The following ATP10B variants were observed in gnomAD, a reference collection of about 807,000 sequenced individuals.
The protein encoded by ATP10B is phospholipid-transporting ATPase VB.
ATP10B carries 122 observed loss-of-function variants against 141.2 expected under a neutral mutation model. The observed-to-expected ratio is 0.86, with a 90% CI of 0.75 to 1.00. The LOEUF is 1.00. Among genes scored for constraint, ATP10B ranks in the 50% least tolerant of loss-of-function variants. The pLI is 0.00. For missense variants in ATP10B, 1,876 were observed against 1,825.3 expected (o/e 1.03, Z -0.51); for synonymous variants, 685 against 692.0 (o/e 0.99, Z 0.16).
the ATP10B span, among the ~76,000 whole-genome samples, chr5:160,913,163 T>C: frequency 6.6e-6 from 1 of 152,256 alleles, no homozygotes; most frequent in South Asian, 2.1e-4. Context: ...TCTTCTTTTA[T>C]GGAAACTGGA....
Position 160,620,843 on chromosome 5 carries a change from A to T in ATP10B, c.1920T>A (p.Thr640=), listed in dbSNP as rs1313651046. The change falls in exon 15 of 26, where the codon ACT becomes ACA. Residue 640 remains threonine, a synonymous_variant. Coordinates refer to ENST00000327245, the MANE Select transcript of ATP10B (RefSeq NM_025153.3). ...LLSLSQSFSS[T]APSDTDLGES... Reference sequence around the variant, plus strand: ...CCCCGAGGTCTGTGTCAGAGGGTGCAGTGGATGAGAATGACTGGCTGAGGC... The same window carrying T: ...CCCCGAGGTCTGTGTCAGAGGGTGCTGTGGATGAGAATGACTGGCTGAGGC... 10 of 1,614,190 alleles carry T rather than the reference A, an allele frequency of 6.2e-6. No individual in the cohort carries two copies. The highest frequency in any genetic ancestry group is 7.6e-6 in the Non-Finnish European group (9 of 1,180,026).
At chr5:160,661,174 GA>G (rs1436287350) in intron 7 of ATP10B, among the ~76,000 whole-genome samples, 3 of 151,544 alleles carry the variant, frequency 2.0e-5, no homozygotes, top group Non-Finnish European at 4.4e-5. Flanking sequence ...CAACAAGAGT[GA>G]AACTCTGTCT....
chr5:160,799,275 C>T (rs973779664), intron 1 of ATP10B, among the ~76,000 whole-genome samples: 11 of 152,182 alleles, frequency 7.2e-5, no homozygotes, highest in Non-Finnish European at 1.6e-4. Context: ...GCAGGGACAA[C>T]GTGGCACACT....
chr5:160,685,164 C>T, intron 6 of ATP10B: 1 of 677,936 alleles, frequency 1.5e-6, no homozygotes, highest in Non-Finnish European at 2.7e-6. Flanking sequence ...AGTTAGAGAC[C>T]ACTACTCGCT....
At chr5:160,901,937 TAC>T in the ATP10B span, among the ~76,000 whole-genome samples, 90 of 152,300 alleles carry the variant, frequency 5.9e-4, no homozygotes, top group African/African-American at 2.1e-3. Context: ...TTTATTTTCC[TAC>T]ATTCTGCTGT....
chr5:160,650,141 C>T (rs986020373), intron 7 of ATP10B, among the ~76,000 whole-genome samples: 2 of 147,796 alleles, frequency 1.4e-5, no homozygotes, highest in Non-Finnish European at 3.0e-5. Flanking sequence ...TATACACACA[C>T]ACACACATAC....
rs146226715 is a variant in ATP10B at position 160,840,000 on chromosome 5, C to G, written c.-576+11941G>C. ...TAATAAGAAAATTTTATTTACAATA[C>G]CAACAAAAATATTTAGGAGCAAGCA... On this transcript the variant is annotated intron_variant, in intron 1 of 25. Coordinates refer to ENST00000327245, the MANE Select transcript of ATP10B (RefSeq NM_025153.3). Among the ~76,000 whole-genome samples, 918 of 151,842 alleles carry G rather than the reference C, an allele frequency of 6.0e-3. 13 individuals carry two copies. The highest frequency in any genetic ancestry group is 0.021 in the African/African-American group (874 of 41,432).
chr5:160,896,682 C>G, the ATP10B span, among the ~76,000 whole-genome samples: 1 of 152,138 alleles, frequency 6.6e-6, no homozygotes, highest in Non-Finnish European at 1.5e-5. Context: ...GGACTCCTCC[C>G]TAACTCATTT....
At position 160,576,133 on chromosome 5, in the gene ATP10B, G is replaced by A. The variant is rs117366863; in HGVS notation, c.3751-6450C>T. Among the ~76,000 whole-genome samples, 11 of 152,260 alleles carry A rather than the reference G, an allele frequency of 7.2e-5. No individual in the cohort carries two copies. The East Asian group carries it at 1.2e-3, about 16-fold the overall frequency. On this transcript the variant is annotated intron_variant, in intron 24 of 25. Coordinates refer to ENST00000327245, the MANE Select transcript of ATP10B (RefSeq NM_025153.3). Reference sequence around the variant, plus strand: ...GCCTGAACCAATCACTGTGAATGGGGTCGGGTAGAATTGTTTGGATGGGGT... The same window carrying A: ...GCCTGAACCAATCACTGTGAATGGGATCGGGTAGAATTGTTTGGATGGGGT...
chr5:160,670,636 T>G lies in ATP10B; in HGVS notation c.502A>C (p.Lys168Gln). The change falls in exon 7 of 26, where the codon AAG (lysine) becomes CAG (glutamine). Residue 168 changes from lysine to glutamine, a missense_variant. Transcript: ENST00000327245. ...ATGAAGTCTCCCACGCGCACATCCT[T>G]CCAGCACTTCTGCACATAGGTCTGC... ...KEQTYVQKCWKDVRVGDFIQM... is the reference protein window; with the variant it reads ...KEQTYVQKCWQDVRVGDFIQM... 2 of 1,613,770 alleles carry G rather than the reference T, an allele frequency of 1.2e-6. No individual in the cohort carries two copies. Among genetic ancestry groups the G allele is most frequent in the Non-Finnish European group, 1.7e-6 (2 of 1,179,812 alleles).
At chr5:160,826,157 T>C (rs1337507377) in intron 1 of ATP10B, among the ~76,000 whole-genome samples, 1 of 152,132 alleles carries the variant, frequency 6.6e-6, no homozygotes, top group Admixed American at 6.6e-5. Context: ...CTCTCTATTT[T>C]CCTTTGGGTA....
intron 3 of ATP10B, among the ~76,000 whole-genome samples, chr5:160,702,755 T>A (rs1377732125): frequency 6.6e-6 from 1 of 152,224 alleles, no homozygotes; most frequent in African/African-American, 2.4e-5. Flanking sequence ...TACAAGTTCT[T>A]AACTCTGTTC....
chr5:160,718,662 C>G (rs1765796756), intron 2 of ATP10B, among the ~76,000 whole-genome samples: 1 of 152,022 alleles, frequency 6.6e-6, no homozygotes, highest in South Asian at 2.1e-4. Context: ...TTATAAGAAC[C>G]CACTCTCATG....
At chr5:160,886,545 G>T in the ATP10B span, among the ~76,000 whole-genome samples, 1 of 152,120 alleles carries the variant, frequency 6.6e-6, no homozygotes, top group Non-Finnish European at 1.5e-5. Flanking sequence ...TTAAAAACCC[G>T]GCAAGGTCAT....
chr5:160,711,729 G>C (rs1233030820), intron 3 of ATP10B, among the ~76,000 whole-genome samples: 7 of 60,962 alleles, frequency 1.1e-4, no homozygotes, highest in African/African-American at 3.7e-4. Flanking sequence ...TGCCCATTCA[G>C]AATGATATTG....
At chr5:160,817,103 T>A (rs1773693788) in intron 1 of ATP10B, among the ~76,000 whole-genome samples, 2 of 152,196 alleles carry the variant, frequency 1.3e-5, no homozygotes, top group South Asian at 4.1e-4. Flanking sequence ...AAGACAGGGA[T>A]GCCCTCTCTC....
intron 2 of ATP10B, among the ~76,000 whole-genome samples, chr5:160,750,594 T>TC (rs1228758564): frequency 6.6e-6 from 1 of 152,126 alleles, no homozygotes; most frequent in Non-Finnish European, 1.5e-5. Flanking sequence ...GTCCCCTCTT[T>TC]CCCTCCACCA....
At chr5:160,742,739 G>A (rs1183039686) in intron 2 of ATP10B, among the ~76,000 whole-genome samples, 1 of 152,162 alleles carries the variant, frequency 6.6e-6, no homozygotes, top group Non-Finnish European at 1.5e-5. Flanking sequence ...GGGAAGAGTT[G>A]TTTAGGGAAT....
At chr5:160,783,164 T>TCC (rs201678978) in intron 2 of ATP10B, among the ~76,000 whole-genome samples, 4 of 151,612 alleles carry the variant, frequency 2.6e-5, no homozygotes, top group African/African-American at 7.3e-5. Flanking sequence ...TTATCCCTTG[T>TCC]CCCCCTTCCA....
Sources: allele counts gnomAD v4.1 joint callset (sites outside exome capture counted in the v4.1 genomes callset), GRCh38; gene constraint gnomAD v4.1.1; transcripts MANE v1.5; gene names NCBI Gene and HGNC (gene_info 2026-07-23, HGNC 2026-07-21).